The following PARD3B variants were observed in gnomAD, a reference collection of about 807,000 sequenced individuals.
PARD3B encodes the protein partitioning defective 3 homolog B.
In PARD3B, 103 loss-of-function variants were observed where a neutral mutation model predicts 130.2. The observed-to-expected ratio is 0.79, with a 90% CI of 0.67 to 0.93. PARD3B has a LOEUF of 0.93. Ranked by LOEUF, PARD3B falls within the 40% of genes least tolerant of loss-of-function variation. The pLI is 0.00. For missense variants in PARD3B, 1,609 were observed against 1,499.2 expected (o/e 1.07, Z -1.21); for synonymous variants, 583 against 553.2 (o/e 1.05, Z -0.76).
intron 22 of PARD3B, among the ~76,000 whole-genome samples, chr2:205,561,982 C>G (rs1225092152): frequency 6.6e-6 from 1 of 152,172 alleles, no homozygotes; most frequent in East Asian, 1.9e-4. Flanking sequence ...CTGATACCAC[C>G]TCAGTCTTAA....
chr2:205,217,796 GTA>G (rs2038000207), intron 15 of PARD3B, among the ~76,000 whole-genome samples: 1 of 134,988 alleles, frequency 7.4e-6, no homozygotes, highest in Admixed American at 7.9e-5. Flanking sequence ...ATGTGTGCAT[GTA>G]TATATGTGTG....
chr2:204,737,742 G>A (rs2039821095), intron 2 of PARD3B, among the ~76,000 whole-genome samples: 3 of 152,084 alleles, frequency 2.0e-5, no homozygotes, highest in Non-Finnish European at 4.4e-5. Context: ...ATCTTGAGTT[G>A]ATTTTTGTAT....
chr2:204,953,510 TG>T (rs1689990197), intron 2 of PARD3B, among the ~76,000 whole-genome samples: 1 of 152,000 alleles, frequency 6.6e-6, no homozygotes, highest in African/African-American at 2.4e-5. Flanking sequence ...TTTGAAGTTT[TG>T]TTCACTTTTT....
At chr2:205,117,353 G>A (rs1475368456) in intron 6 of PARD3B, among the ~76,000 whole-genome samples, 1 of 152,210 alleles carries the variant, frequency 6.6e-6, no homozygotes, top group Admixed American at 6.5e-5. Flanking sequence ...CTTCCCTGCA[G>A]TAGATGGCAT....
At chr2:205,104,951 A>G (rs1426449887) in intron 5 of PARD3B, among the ~76,000 whole-genome samples, 1 of 152,152 alleles carries the variant, frequency 6.6e-6, no homozygotes, top group Admixed American at 6.5e-5. Flanking sequence ...AGTTTACTTG[A>G]TGAAATAAAA....
chr2:205,070,293 G>T (rs1425261145), intron 4 of PARD3B, among the ~76,000 whole-genome samples: 1 of 151,786 alleles, frequency 6.6e-6, no homozygotes, highest in African/African-American at 2.4e-5. Context: ...GAAATTAGCA[G>T]TTTTTAATAT....
At chr2:204,902,865 T>G (rs2046917955) in intron 2 of PARD3B, among the ~76,000 whole-genome samples, 1 of 152,360 alleles carries the variant, frequency 6.6e-6, no homozygotes, top group Non-Finnish European at 1.5e-5. Flanking sequence ...TTCTATGTCC[T>G]CTTCTTCAGT....
intron 20 of PARD3B, among the ~76,000 whole-genome samples, chr2:205,468,240 G>C (rs1244894396): frequency 1.3e-5 from 2 of 152,214 alleles, no homozygotes; most frequent in African/African-American, 4.8e-5. Flanking sequence ...GCACATGTGA[G>C]ACCAAACTCA....
intron 16 of PARD3B, among the ~76,000 whole-genome samples, chr2:205,270,653 A>G (rs1015647394): frequency 6.6e-6 from 1 of 152,146 alleles, no homozygotes; most frequent in Non-Finnish European, 1.5e-5. Flanking sequence ...CTCACCTAGT[A>G]AGTAGTATAG....
At chr2:205,598,966 A>C (rs1448538465) in intron 22 of PARD3B, among the ~76,000 whole-genome samples, 1 of 152,250 alleles carries the variant, frequency 6.6e-6, no homozygotes, top group Non-Finnish European at 1.5e-5. Flanking sequence ...AAGCTAAAGC[A>C]GTGTTAAGAG....
intron 2 of PARD3B, among the ~76,000 whole-genome samples, chr2:204,930,510 G>A (rs1575336858): frequency 1.3e-5 from 2 of 151,894 alleles, no homozygotes; most frequent in South Asian, 2.1e-4. Flanking sequence ...CCATAGATAC[G>A]GAGGGCTGAC....
intron 1 of PARD3B, among the ~76,000 whole-genome samples, chr2:204,604,936 G>A (rs1269320283): frequency 6.6e-6 from 1 of 152,106 alleles, no homozygotes; most frequent in Non-Finnish European, 1.5e-5. Context: ...GTCTACAGTG[G>A]CTTAACTCAC....
rs1339155591 is a variant in PARD3B, at chr2:205,176,999, T to C, written c.1924+422T>C. On this transcript the variant is annotated intron_variant, in intron 13 of 22. Transcript: ENST00000406610. This position sits in a 1 kb window ranked among gnomAD's most constrained non-coding sequence, Gnocchi z 5.3. ...TCACAGATGATCCTCGATTCTAATATGAGTATGATAAATGGGTGAATATCC... is the reference window on the plus strand; with the variant it reads ...TCACAGATGATCCTCGATTCTAATACGAGTATGATAAATGGGTGAATATCC... Among the ~76,000 whole-genome samples the C allele has an allele frequency of 1.3e-5, 2 of 152,194 alleles. No homozygotes were observed. Among genetic ancestry groups the C allele is most frequent in the Admixed American group, 6.5e-5 (1 of 15,280 alleles).
chr2:205,120,010 A>T (rs568713376), intron 7 of PARD3B, among the ~76,000 whole-genome samples: 2 of 152,136 alleles, frequency 1.3e-5, no homozygotes, highest in South Asian at 4.2e-4. Context: ...ACAGCTCCTA[A>T]TACATCTTCT....
At chr2:204,734,282 GC>G (rs1412730633) in intron 2 of PARD3B, among the ~76,000 whole-genome samples, 1 of 152,116 alleles carries the variant, frequency 6.6e-6, no homozygotes, top group Non-Finnish European at 1.5e-5. Context: ...CTGGCAAAGG[GC>G]AAAGCAGCTT....
intron 18 of PARD3B, among the ~76,000 whole-genome samples, chr2:205,338,237 G>T (rs2043392204): frequency 6.8e-6 from 1 of 148,128 alleles, no homozygotes; most frequent in Non-Finnish European, 1.5e-5. Flanking sequence ...TCCAACCAAA[G>T]AGCTATAAAG....
rs1302598999 is a variant in PARD3B at position 205,011,065 on chromosome 2, C to G, written c.395-36516C>G. On this transcript the variant is annotated intron_variant, in intron 3 of 22. Transcript: ENST00000406610. This position sits in a 1 kb window ranked among gnomAD's most constrained non-coding sequence, Gnocchi z 4.1. Reference sequence around the variant, plus strand: ...GGGGTTTAGTGGTGGAAGGTATCCCCTAAGCTGGTAGCACCATTAGGCTAA... The same window carrying G: ...GGGGTTTAGTGGTGGAAGGTATCCCGTAAGCTGGTAGCACCATTAGGCTAA... Among the ~76,000 whole-genome samples the G allele has an allele frequency of 6.6e-6, 1 of 152,176 alleles. No individual in the cohort carries two copies. The highest frequency in any genetic ancestry group is 1.5e-5 in the Non-Finnish European group (1 of 68,036).
chr2:205,498,016 AACAC>A (rs57531393), intron 20 of PARD3B, among the ~76,000 whole-genome samples: 14 of 141,970 alleles, frequency 9.9e-5, no homozygotes, highest in South Asian at 2.3e-4. Context: ...GTCTCTACTA[AACAC>A]ACACACACAC....
intron 10 of PARD3B, among the ~76,000 whole-genome samples, chr2:205,133,863 A>T (rs2125653205): frequency 6.6e-6 from 1 of 152,292 alleles, no homozygotes; most frequent in South Asian, 2.1e-4. Flanking sequence ...TGTGCTCAAA[A>T]TTTTTTATGT....
Sources: gnomAD v4.1 joint callset for allele counts (sites outside exome capture counted in the v4.1 genomes callset) on GRCh38, gnomAD v4.1.1 for gene constraint, Gnocchi (gnomAD v3.1) non-coding constraint, MANE v1.5 for transcripts, NCBI Gene and HGNC (gene_info 2026-07-23, HGNC 2026-07-21) for gene names.